The following RTN1 variants were observed in gnomAD, a reference collection of about 807,000 sequenced individuals.
RTN1 encodes the protein reticulon-1.
Under a neutral mutation model 65.5 loss-of-function variants are expected in RTN1, and 25 were observed. That is an observed-to-expected ratio of 0.38 (90% CI 0.28 to 0.53). The LOEUF is 0.53. Among genes scored for constraint, RTN1 ranks in the 20% least tolerant of loss-of-function variants. The pLI is 0.79. For missense variants in RTN1, 983 were observed against 1,025.4 expected (o/e 0.96, Z 0.57); for synonymous variants, 471 against 447.6 (o/e 1.05, Z -0.66).
chr14:59,674,633 T>A (rs1365150180), intron 3 of RTN1, among the ~76,000 whole-genome samples: 1 of 152,084 alleles, frequency 6.6e-6, no homozygotes. Flanking sequence ...AAACCAAACA[T>A]AAAGGCTGTA....
At chr14:59,665,118 T>C (rs528665992) in intron 3 of RTN1, among the ~76,000 whole-genome samples, 117 of 152,004 alleles carry the variant, frequency 7.7e-4, no homozygotes, top group Admixed American at 1.6e-3. Context: ...TATATCCTCT[T>C]TGGTGAAATG....
At chr14:59,654,401 C>A (rs1393957788) in intron 3 of RTN1, among the ~76,000 whole-genome samples, 9 of 144,816 alleles carry the variant, frequency 6.2e-5, no homozygotes, top group African/African-American at 2.4e-4. Flanking sequence ...GGCACTCCAG[C>A]CTGGGTGACA....
At chr14:59,730,948 C>T (rs1192208992) in intron 2 of RTN1, among the ~76,000 whole-genome samples, 1 of 152,184 alleles carries the variant, frequency 6.6e-6, no homozygotes, top group East Asian at 1.9e-4. Context: ...TCTGACAGCT[C>T]CTTAAATATT....
At chr14:59,769,524 G>A (rs1213873383) in intron 1 of RTN1, among the ~76,000 whole-genome samples, 1 of 152,224 alleles carries the variant, frequency 6.6e-6, no homozygotes, top group Non-Finnish European at 1.5e-5. Context: ...CCCTGAAGGA[G>A]CAAACGCTGC....
intron 1 of RTN1, among the ~76,000 whole-genome samples, chr14:59,798,394 A>T (rs897589510): frequency 3.3e-5 from 5 of 152,228 alleles, no homozygotes; most frequent in African/African-American, 1.2e-4. Context: ...TCACAGATTT[A>T]GTGGCTTAAA....
chr14:59,808,079 C>A (rs143631575), intron 1 of RTN1, among the ~76,000 whole-genome samples: 7 of 152,238 alleles, frequency 4.6e-5, no homozygotes, highest in Admixed American at 2.6e-4. Context: ...TAGGAAAGAC[C>A]AGAGACCAGG....
chr14:59,750,185 A>ATATATTATAT (rs1566713268), intron 1 of RTN1, among the ~76,000 whole-genome samples: 545 of 21,836 alleles, frequency 0.025, 88 homozygotes, highest in African/African-American at 0.15. Context: ...AATATATAAT[A>ATATATTATAT]CATATATTAT....
chr14:59,679,805 C>G (rs1168104092), intron 3 of RTN1, among the ~76,000 whole-genome samples: 1 of 152,198 alleles, frequency 6.6e-6, no homozygotes, highest in Non-Finnish European at 1.5e-5. Context: ...AGCTTCCATA[C>G]AGACTTGCAT....
chr14:59,646,160 T>C (rs1465633611), intron 3 of RTN1, among the ~76,000 whole-genome samples: 1 of 152,200 alleles, frequency 6.6e-6, no homozygotes, highest in African/African-American at 2.4e-5. Flanking sequence ...ATTTTCACAA[T>C]GCAGTCACAA....
chr14:59,611,578 C>T (rs1006087843), intron 3 of RTN1, among the ~76,000 whole-genome samples: 4 of 151,914 alleles, frequency 2.6e-5, no homozygotes, highest in Non-Finnish European at 4.4e-5. Context: ...GTAGCCCCAT[C>T]GTGGAGTGTC....
chr14:59,760,299 G>GAA (rs1885723569), intron 1 of RTN1, among the ~76,000 whole-genome samples: 1 of 152,034 alleles, frequency 6.6e-6, no homozygotes, highest in Non-Finnish European at 1.5e-5. Flanking sequence ...TCTCATGTAA[G>GAA]AAAAAGAGGA....
chr14:59,656,798 C>T (rs1883131150), intron 3 of RTN1, among the ~76,000 whole-genome samples: 1 of 152,214 alleles, frequency 6.6e-6, no homozygotes, highest in Admixed American at 6.5e-5. Flanking sequence ...TTTCTGCAGT[C>T]TTCACATTTC....
chr14:59,609,083 G>A (rs1305073455), intron 3 of RTN1, among the ~76,000 whole-genome samples: 1 of 151,862 alleles, frequency 6.6e-6, no homozygotes, highest in South Asian at 2.1e-4. Context: ...TCAGGAGTTC[G>A]AGACCAGCCC....
chr14:59,737,667 A>T (rs1229423193), intron 2 of RTN1, among the ~76,000 whole-genome samples: 2 of 152,218 alleles, frequency 1.3e-5, no homozygotes, highest in Non-Finnish European at 2.9e-5. Context: ...AACTATTTTA[A>T]AATTCATTTG....
Position 59,766,447 on chromosome 14 carries a change from C to T in RTN1, c.242-19966G>A, listed in dbSNP as rs566057032. 2.0e-5 allele frequency among the ~76,000 whole-genome samples: 3 copies of T among 152,068 alleles called. No homozygotes were observed. Among genetic ancestry groups the T allele is most frequent in the South Asian group, 2.1e-4 (1 of 4,814 alleles). On this transcript the variant is annotated intron_variant, in intron 1 of 8. Coordinates refer to ENST00000267484, the MANE Select transcript of RTN1 (RefSeq NM_021136.3). This position sits in a 1 kb window ranked among gnomAD's most constrained non-coding sequence, Gnocchi z 4.4. ...CCCCAAACTCATATATATTGTTCAACGTATTATTTTCTACTTACCTGTAAG... is the reference window on the plus strand; with the variant it reads ...CCCCAAACTCATATATATTGTTCAATGTATTATTTTCTACTTACCTGTAAG...
intron 1 of RTN1, among the ~76,000 whole-genome samples, chr14:59,777,819 C>A (rs1269231665): frequency 1.8e-4 from 20 of 109,356 alleles, no homozygotes; most frequent in South Asian, 1.0e-3. Flanking sequence ...ACAACAACAA[C>A]AACAAAAAAA....
chr14:59,688,661 A>G (rs918203925), intron 3 of RTN1, among the ~76,000 whole-genome samples: 14 of 152,228 alleles, frequency 9.2e-5, no homozygotes, highest in African/African-American at 3.1e-4. Context: ...ACAGCCCAAG[A>G]TAAGACCTGT....
At chr14:59,696,164 T>C (rs2139443064) in intron 3 of RTN1, among the ~76,000 whole-genome samples, 1 of 152,334 alleles carries the variant, frequency 6.6e-6, no homozygotes, top group Non-Finnish European at 1.5e-5. Context: ...GGCAATTTAA[T>C]ACTTGCATTT....
rs181429875 is a variant in RTN1, at chr14:59,790,003, G to A, written c.242-43522C>T. Among the ~76,000 whole-genome samples, 7 of 152,010 alleles carry A rather than the reference G, an allele frequency of 4.6e-5. No individual in the cohort carries two copies. Among genetic ancestry groups the A allele is most frequent in the South Asian group, 2.1e-4 (1 of 4,816 alleles). On this transcript the variant is annotated intron_variant, in intron 1 of 8. Coordinates refer to ENST00000267484, the MANE Select transcript of RTN1 (RefSeq NM_021136.3). The surrounding 1 kb of genome is among the most constrained non-coding windows in gnomAD (Gnocchi z 4.1). The stretch of plus-strand genomic sequence containing the variant: ...AATTATATATAAACTTACGGCTATC[G>A]AATGAGATAAAAAAGGGAAATGCCC...
Sources: gnomAD v4.1 joint callset for allele counts (sites outside exome capture counted in the v4.1 genomes callset) on GRCh38, gnomAD v4.1.1 for gene constraint, Gnocchi (gnomAD v3.1) non-coding constraint, MANE v1.5 for transcripts, NCBI Gene and HGNC (gene_info 2026-07-23, HGNC 2026-07-21) for gene names.